The following GRIK3 variants were observed in gnomAD, a reference collection of about 807,000 sequenced individuals.
GRIK3 encodes glutamate ionotropic receptor kainate type subunit 3, also known as glutamate receptor ionotropic, kainate 3.
Under a neutral mutation model 102.5 loss-of-function variants are expected in GRIK3, and 29 were observed. The ratio of observed to expected loss-of-function variants is 0.28; its 90% CI spans 0.21 to 0.39. The LOEUF is 0.39. Ranked by LOEUF, GRIK3 falls within the 10% of genes least tolerant of loss-of-function variation. The probability of loss-of-function intolerance (pLI) is 1.00; values close to 1 mark genes in which losing one functional copy is unlikely to be tolerated. For missense variants in GRIK3, 908 were observed against 1,252.4 expected (o/e 0.73, Z 4.15); for synonymous variants, 511 against 504.9 (o/e 1.01, Z -0.16).
At chr1:36,865,236 G>C (rs557315628) in intron 5 of GRIK3, among the ~76,000 whole-genome samples, 1 of 152,234 alleles carries the variant, frequency 6.6e-6, no homozygotes, top group Non-Finnish European at 1.5e-5. Flanking sequence ...CTCAGCTGGG[G>C]CTGATTAATG....
chr1:36,965,577 G>A (rs937816681), intron 1 of GRIK3, among the ~76,000 whole-genome samples: 1 of 152,114 alleles, frequency 6.6e-6, no homozygotes, highest in Non-Finnish European at 1.5e-5. Context: ...GGTCCCAGGG[G>A]AATGTGATTT....
chr1:37,025,567 C>T (rs1229276252), intron 1 of GRIK3, among the ~76,000 whole-genome samples: 1 of 152,178 alleles, frequency 6.6e-6, no homozygotes, highest in Non-Finnish European at 1.5e-5. Flanking sequence ...CTTGGCTCCC[C>T]GCTCCTGCTT....
rs1347589882 is a variant in GRIK3, at chr1:36,885,391, G to A, written c.293-4500C>T. ...TGGCAGTGATGGAGGTGATGACAGT[G>A]GGGGTAGTGTTGGTGGTGCTGATAT... On this transcript the variant is annotated intron_variant, in intron 2 of 15. Transcript: ENST00000373091. 2.6e-5 allele frequency among the ~76,000 whole-genome samples: 4 copies of A among 152,234 alleles called. No homozygotes were observed. The South Asian group carries it at 6.2e-4, about 24-fold the overall frequency.
intron 1 of GRIK3, among the ~76,000 whole-genome samples, chr1:36,969,131 C>T (rs1211517078): frequency 6.6e-6 from 1 of 152,194 alleles, no homozygotes; most frequent in Non-Finnish European, 1.5e-5. Context: ...GCTCATCCCC[C>T]AAGTCAAAAC....
chr1:36,816,960 G>T, intron 13 of GRIK3, 100 bp downstream of exon 13: 2 of 785,890 alleles, frequency 2.5e-6, no homozygotes, highest in Non-Finnish European at 2.1e-6. Flanking sequence ...TTGGCCATGC[G>T]TGGTTAGGGA....
intron 1 of GRIK3, among the ~76,000 whole-genome samples, chr1:36,919,553 G>A (rs775096037): frequency 6.6e-6 from 1 of 152,098 alleles, no homozygotes; most frequent in Non-Finnish European, 1.5e-5. Context: ...TGGTTTTGGC[G>A]AACAGGCAGG....
At chr1:36,956,105 T>A (rs114108717) in intron 1 of GRIK3, among the ~76,000 whole-genome samples, 2,438 of 152,286 alleles carry the variant, frequency 0.016, 55 homozygotes, top group African/African-American at 0.054. Flanking sequence ...GTGCTCGGCC[T>A]GGGGGACGGC....
At chr1:36,993,791 A>T (rs1421095749) in intron 1 of GRIK3, among the ~76,000 whole-genome samples, 1 of 152,192 alleles carries the variant, frequency 6.6e-6, no homozygotes, top group African/African-American at 2.4e-5. Context: ...GGGGTGGCCC[A>T]TATCGAATAA....
At chr1:36,875,462 C>T (rs371358948) in intron 3 of GRIK3, among the ~76,000 whole-genome samples, 9 of 152,366 alleles carry the variant, frequency 5.9e-5, no homozygotes, top group African/African-American at 2.2e-4. Context: ...CAGGGCCCTC[C>T]AATTGGGCTC....
chr1:36,993,204 C>T (rs1408634994), intron 1 of GRIK3, among the ~76,000 whole-genome samples: 1 of 152,200 alleles, frequency 6.6e-6, no homozygotes, highest in East Asian at 1.9e-4. Flanking sequence ...GCAAGAAGCA[C>T]TCCAGCTGGA....
At chr1:36,868,134 C>T (rs1246620344) in intron 5 of GRIK3, among the ~76,000 whole-genome samples, 1 of 152,114 alleles carries the variant, frequency 6.6e-6, no homozygotes, top group African/African-American at 2.4e-5. Flanking sequence ...ATGGGGAGGG[C>T]TGCCATGAGT....
chr1:36,914,294 A>C (rs560400575), intron 1 of GRIK3, among the ~76,000 whole-genome samples: 1 of 152,260 alleles, frequency 6.6e-6, no homozygotes, highest in South Asian at 2.1e-4. Context: ...TGTCATTGCT[A>C]TTTCAGTGGC....
intron 13 of GRIK3, among the ~76,000 whole-genome samples, chr1:36,816,400 A>G (rs1190395822): frequency 6.6e-6 from 1 of 152,152 alleles, no homozygotes; most frequent in Non-Finnish European, 1.5e-5. Flanking sequence ...GGCCAGCCAG[A>G]GTCTCCTAAG....
intron 1 of GRIK3, among the ~76,000 whole-genome samples, chr1:37,021,260 C>T (rs1642711492): frequency 6.6e-6 from 1 of 151,998 alleles, no homozygotes; most frequent in African/African-American, 2.4e-5. Context: ...AAGTCATTTT[C>T]TCTTTTCTGT....
In GRIK3 at chr1:36,850,487, C is replaced by A. The variant is rs865922850; in HGVS notation, c.1213-63G>T. 8.8e-6 allele frequency: 8 copies of A among 909,850 alleles called. No individual in the cohort carries two copies. The Admixed American group carries it at 1.2e-4, about 14-fold the overall frequency. 56.4% of individuals were successfully genotyped at this position (909,850 alleles called of 1,614,324 possible). On this transcript the variant is annotated intron_variant, in intron 8 of 15. Coordinates refer to ENST00000373091, the MANE Select transcript of GRIK3 (RefSeq NM_000831.4). This position sits in a 1 kb window ranked among gnomAD's most constrained non-coding sequence, Gnocchi z 4.0. ...TTGGTCTACCCATCTTCCTCCATAT[C>A]GACAAGACCTTCATCTCATTCCCAT...
chr1:36,987,936 A>T (rs1362091795), intron 1 of GRIK3, among the ~76,000 whole-genome samples: 1 of 152,120 alleles, frequency 6.6e-6, no homozygotes, highest in African/African-American at 2.4e-5. Flanking sequence ...CTTTAATAGA[A>T]CTCAGGCAGG....
chr1:36,883,521 G>A (rs1228431767), intron 2 of GRIK3, among the ~76,000 whole-genome samples: 1 of 152,212 alleles, frequency 6.6e-6, no homozygotes, highest in Non-Finnish European at 1.5e-5. Flanking sequence ...TTTCCCTCTG[G>A]AAGACAGACC....
At chr1:36,956,035 C>A (rs750552479) in intron 1 of GRIK3, among the ~76,000 whole-genome samples, 1 of 152,238 alleles carries the variant, frequency 6.6e-6, no homozygotes, top group Non-Finnish European at 1.5e-5. Context: ...CCACCAACAG[C>A]CAGAGCGGGG....
chr1:36,850,342 G>A lies in GRIK3; in HGVS notation c.1295C>T (p.Thr432Ile). The A allele has an allele frequency of 6.2e-7, 1 of 1,612,522 alleles. No individual in the cohort carries two copies. Among genetic ancestry groups the A allele is most frequent in the African/African-American group, 1.3e-5 (1 of 75,010 alleles). Reference protein sequence around the residue: ...GRGPNVTDSLTNRSLIVTTVL... With the variant: ...GRGPNVTDSLINRSLIVTTVL... Reference sequence around the variant, plus strand: ...TGTGGTGACAATGAGTGATCTGTTTGTCAGAGAGTCGGTGACATTAGGGCC... The same window carrying A: ...TGTGGTGACAATGAGTGATCTGTTTATCAGAGAGTCGGTGACATTAGGGCC... The change falls in exon 9 of 16, where the codon ACA (threonine) becomes ATA (isoleucine). Residue 432 changes from threonine to isoleucine, a missense_variant. Thr to Ile is a moderately conservative substitution (Grantham distance 89). This residue lies in a region of GRIK3 where 585 missense variants were observed against 824.9 expected (regional missense o/e 0.71). Coordinates refer to ENST00000373091, the MANE Select transcript of GRIK3 (RefSeq NM_000831.4). The surrounding 1 kb of genome is among the most constrained non-coding windows in gnomAD (Gnocchi z 4.0).
Sources: allele counts gnomAD v4.1 joint callset (sites outside exome capture counted in the v4.1 genomes callset), GRCh38; gene constraint gnomAD v4.1.1; regional missense constraint gnomAD v4.1.1; non-coding constraint Gnocchi (gnomAD v3.1); transcripts MANE v1.5; gene names NCBI Gene and HGNC (gene_info 2026-07-23, HGNC 2026-07-21).